The following EPHB4 variants were observed in gnomAD, a reference collection of about 807,000 sequenced individuals.
EPHB4 encodes the protein EPH receptor B4, also known as ephrin type-B receptor 4.
A neutral mutation model predicts 110.6 loss-of-function variants in EPHB4; 50 were observed. The observed-to-expected ratio is 0.45, with a 90% CI of 0.36 to 0.57. EPHB4 has a LOEUF of 0.57. EPHB4 is among the 20% of genes least tolerant of loss of function. EPHB4 has a pLI of 0.00. For missense variants in EPHB4, 1,128 were observed against 1,382.1 expected, an observed-to-expected ratio of 0.82 and a Z score of 2.91; for synonymous variants, 592 against 578.4, an observed-to-expected ratio of 1.02 and a Z score of -0.34.
intron 7 of EPHB4, 134 bp from the exon 8 acceptor site, chr7:100,817,491 C>T (rs1387717176): frequency 4.0e-5 from 37 of 932,272 alleles, no homozygotes; most frequent in Non-Finnish European, 4.8e-5. Flanking sequence ...GGAGAACTTA[C>T]GCATGCAAGC....
chr7:100,815,903 G>A (rs1813054980), intron 8 of EPHB4, among the ~76,000 whole-genome samples: 1 of 152,122 alleles, frequency 6.6e-6, no homozygotes, highest in Admixed American at 6.5e-5. Context: ...TGGAAGGATT[G>A]GTTGAGCTCG....
Position 100,805,538 on chromosome 7 carries a change from G to C in EPHB4, c.2641C>G (p.Pro881Ala). Residue 881 changes from proline to alanine, a missense_variant, in exon 15 of 17, where the codon CCC (proline) becomes GCC (alanine). By Grantham distance (27) the Pro-to-Ala change is conservative. Transcript: ENST00000358173. The part of the protein sequence containing the change: ...VSALDKMIRN[P>A]ASLKIVAREN... ...CGGGCCACGATTTTGAGGCTGGCGG[G>C]GTTCCGGATCATCTTGTCCAGGGCG... The C allele has an allele frequency of 6.6e-7, 1 of 1,526,248 alleles. No homozygotes were observed. Among genetic ancestry groups the C allele is most frequent in the Non-Finnish European group, 8.8e-7 (1 of 1,137,384 alleles). 94.5% of individuals were successfully genotyped at this position (1,526,248 alleles called of 1,614,324 possible).
chr7:100,805,402 G>A (rs1181147614), intron 15 of EPHB4, 81 bp from the exon 16 acceptor site: 4 of 1,590,024 alleles, frequency 2.5e-6, no homozygotes, highest in Admixed American at 1.8e-5. Flanking sequence ...TTGCAGAGGC[G>A]GACAGAGGCC....
intron 14 of EPHB4, chr7:100,805,900 A>AC (rs1812808778): frequency 2.2e-6 from 1 of 451,494 alleles, no homozygotes; most frequent in Non-Finnish European, 3.8e-6. Flanking sequence ...CAGACATGTT[A>AC]CCTCTCAACC....
At position 100,827,101 on chromosome 7, in the gene EPHB4, C is replaced by T; in HGVS notation, c.-71G>A. On this transcript the variant is annotated 5_prime_UTR_variant, in exon 1 of 17. Transcript: ENST00000358173. ...CTCGCCCCCCCAGGTCTGACTCTCC[C>T]TGGGCGGGTGGACGCCGATACTCCG... 6.6e-7 allele frequency: 1 copy of T among 1,507,816 alleles called. No individual in the cohort carries two copies. Among genetic ancestry groups the T allele is most frequent in the Non-Finnish European group, 9.0e-7 (1 of 1,116,742 alleles). 93.4% of individuals were successfully genotyped at this position (1,507,816 alleles called of 1,614,324 possible).
chr7:100,824,778 G>C (rs1163856538), intron 1 of EPHB4: 1 of 160,160 alleles, frequency 6.2e-6, no homozygotes, highest in African/African-American at 2.4e-5. Flanking sequence ...TGAAGGGAGC[G>C]CTCCGTGCCT....
rs1479571387 is a variant in EPHB4, at chr7:100,803,640, C to T, written c.2835-50G>A. The T allele has an allele frequency of 1.9e-6, 3 of 1,542,136 alleles. No individual in the cohort carries two copies. The Admixed American group carries it at 5.6e-5, about 29-fold the overall frequency. ...TGAGACCCTAGGTTCCCTGTGGCCGCTCTCCTCTCTTGGCTCCTGAGACGG... is the reference window on the plus strand; with the variant it reads ...TGAGACCCTAGGTTCCCTGTGGCCGTTCTCCTCTCTTGGCTCCTGAGACGG... On this transcript the variant is annotated intron_variant, in intron 16 of 16. Transcript: ENST00000358173.
At chr7:100,805,798 A>C in intron 14 of EPHB4, 104 bp from the exon 15 acceptor site, 1 of 1,153,370 alleles carries the variant, frequency 8.7e-7, no homozygotes, top group Non-Finnish European at 1.1e-6. Context: ...TAGGAGCCAC[A>C]GCCCCCCAAA....
Position 100,820,209 on chromosome 7 carries a change from G to C in EPHB4, c.896C>G (p.Ser299Ter), listed in dbSNP as rs964985310. ...PANSHSNTIG[S>*]AVCQCRVGYF... ...CCCGACGCGGCACTGGCAGACGGCT[G>C]ATCCAATGGTGTTAGAGTGGCTATT... Residue 299 changes from serine (S) to a stop codon, truncating the protein, a stop_gained, in exon 5 of 17, where the codon TCA (serine) becomes TGA (stop). Transcript: ENST00000358173. LOFTEE classifies it high-confidence loss of function. The C allele has an allele frequency of 6.2e-7, 1 of 1,614,162 alleles. No individual in the cohort carries two copies. Among genetic ancestry groups the C allele is most frequent in the South Asian group, 1.1e-5 (1 of 91,080 alleles).
Position 100,807,574 on chromosome 7 carries a change from C to A in EPHB4, c.2125G>T (p.Asp709Tyr). 1.9e-6 allele frequency: 3 copies of A among 1,612,716 alleles called. No individual in the cohort carries two copies. Among genetic ancestry groups the A allele is most frequent in the Non-Finnish European group, 2.5e-6 (3 of 1,178,998 alleles). The change falls in exon 13 of 17, where the codon GAC (aspartate) becomes TAC (tyrosine). Residue 709 changes from aspartate (D) to tyrosine (Y), a missense_variant. Transcript: ENST00000358173. ...AGCTGGATGACTGTGAACTGTCCGT[C>A]GTTTAGCTGGAGAGCAGATAGGGTG... ...GALDSFLRLN[D>Y]GQFTVIQLVG...
At position 100,823,893 on chromosome 7, in the gene EPHB4, G is replaced by C. The variant is rs3735694; in HGVS notation, c.162C>G (p.Ser54Arg). The C allele has an allele frequency of 1.9e-6, 3 of 1,605,188 alleles. No individual in the cohort carries two copies. Among genetic ancestry groups the C allele is most frequent in the Non-Finnish European group, 2.6e-6 (3 of 1,176,380 alleles). Residue 54 changes from serine to arginine, a missense_variant, in exon 3 of 17, where the codon AGC (serine) becomes AGG (arginine). Transcript: ENST00000358173. ...CGTCACACACTTCGTAGGTGCGCACGCTGTGCTGTTCCTCATCCAGGCCGC... is the reference window on the plus strand; with the variant it reads ...CGTCACACACTTCGTAGGTGCGCACCCTGTGCTGTTCCTCATCCAGGCCGC... ...ELSGLDEEQH[S>R]VRTYEVCDVQ...
rs1584653054 is a variant in EPHB4, at chr7:100,805,646, A to T, written c.2533T>A (p.Cys845Ser). 6.5e-7 allele frequency: 1 copy of T among 1,541,980 alleles called. No homozygotes were observed. Among genetic ancestry groups the T allele is most frequent in the Non-Finnish European group, 8.7e-7 (1 of 1,146,828 alleles). Residue 845 changes from cysteine to serine, a missense_variant, in exon 15 of 17, where the codon TGT (cysteine) becomes AGT (serine). Coordinates refer to ENST00000358173, the MANE Select transcript of EPHB4 (RefSeq NM_004444.5). ...QDYRLPPPPD[C>S]PTSLHQLMLD... ...ATGAGCTGGTGGAGGGAGGTGGGACAGTCTGGGGGCGGGGGCAGCCGGTAG... is the reference window on the plus strand; with the variant it reads ...ATGAGCTGGTGGAGGGAGGTGGGACTGTCTGGGGGCGGGGGCAGCCGGTAG...
intron 14 of EPHB4, 87 bp downstream of exon 14, chr7:100,806,333 G>T: frequency 6.7e-7 from 1 of 1,483,934 alleles, no homozygotes; most frequent in Non-Finnish European, 9.1e-7. Flanking sequence ...ACCCAGCAGT[G>T]ATGACTCTCT....
At position 100,827,245 on chromosome 7, in the gene EPHB4, G is replaced by A. The variant is rs1813434381; in HGVS notation, c.-215C>T. ...CGCGCGCGGGCGGCGGGCCCGGAGC[G>A]TGCTGGCAGTGGCCGCGCCGGGCGG... is the stretch of plus-strand genomic sequence containing the variant. On this transcript the variant is annotated 5_prime_UTR_variant, in exon 1 of 17. In the 5' UTR this introduces an upstream ATG that the reference lacks. Coordinates refer to ENST00000358173, the MANE Select transcript of EPHB4 (RefSeq NM_004444.5). 1.1e-5 allele frequency: 2 copies of A among 182,502 alleles called. No individual in the cohort carries two copies. Among genetic ancestry groups the A allele is most frequent in the Admixed American group, 6.3e-5 (1 of 15,782 alleles). The allele number at this position is 182,502 out of a possible 1,614,324, so 11.3% of individuals were successfully genotyped here. A position where few individuals can be genotyped will look rare whatever the true frequency, so the allele number is the denominator to read the frequency against.
chr7:100,824,577 G>C (rs1584667726), intron 1 of EPHB4: 2 of 370,884 alleles, frequency 5.4e-6, no homozygotes, highest in East Asian at 1.1e-4. Flanking sequence ...GCTCAGAAAG[G>C]GTTAAAATGA....
At position 100,823,905 on chromosome 7, in the gene EPHB4, C is replaced by T. The variant is rs2116462104; in HGVS notation, c.150G>A (p.Glu50=). ...CGTAGGTGCGCACGCTGTGCTGTTC[C>T]TCATCCAGGCCGCTCAGTTCCTCCC... ...GQWEELSGLD[E]EQHSVRTYEV... Residue 50 remains glutamate, a synonymous_variant, in exon 3 of 17, where the codon GAG becomes GAA. Transcript: ENST00000358173. 6.3e-6 allele frequency: 10 copies of T among 1,598,454 alleles called. No individual in the cohort carries two copies. The highest frequency in any genetic ancestry group is 7.7e-6 in the Non-Finnish European group (9 of 1,172,446).
chr7:100,826,844 A>G, intron 1 of EPHB4, 135 bp downstream of exon 1: 1 of 523,642 alleles, frequency 1.9e-6, no homozygotes, highest in Non-Finnish European at 2.8e-6. Context: ...TTCCAGCACT[A>G]TCGGTCCGAA....
chr7:100,806,200 TCTGC>T, intron 14 of EPHB4: 1 of 415,738 alleles, frequency 2.4e-6, no homozygotes, highest in Non-Finnish European at 4.2e-6. Flanking sequence ...CCTTAGGTGA[TCTGC>T]CCACCTTGGC....
At chr7:100,818,685 G>C (rs768278351) in intron 6 of EPHB4, 41 bp from the exon 7 acceptor site, 1 of 1,580,526 alleles carries the variant, frequency 6.3e-7, no homozygotes, top group Non-Finnish European at 8.6e-7. Flanking sequence ...GTGCATGGTA[G>C]CTCTGTCCCT....
Sources: gnomAD v4.1 joint callset for allele counts (sites outside exome capture counted in the v4.1 genomes callset) on GRCh38, gnomAD v4.1.1 for gene constraint, MANE v1.5 for transcripts, NCBI Gene and HGNC (gene_info 2026-07-23, HGNC 2026-07-21) for gene names.